The following CYP2C19 variants were observed in gnomAD, a reference collection of about 807,000 sequenced individuals.
CYP2C19 encodes cytochrome P450 2C19.
Under a neutral mutation model 40.9 loss-of-function variants are expected in CYP2C19, and 59 were observed. That is an observed-to-expected ratio of 1.44 (90% CI 1.17 to 1.79). The LOEUF (loss-of-function observed/expected upper bound fraction) is 1.79. Ranked by LOEUF, CYP2C19 falls within the 40% of genes most tolerant of loss-of-function variation. The pLI is 0.00. For missense variants in CYP2C19, 754 were observed against 596.9 expected (o/e 1.26, Z -2.74); for synonymous variants, 253 against 208.7 (o/e 1.21, Z -1.83).
At chr10:94,846,331 GA>G (rs1849572605) in intron 7 of CYP2C19, among the ~76,000 whole-genome samples, 1 of 152,130 alleles carries the variant, frequency 6.6e-6, no homozygotes, top group South Asian at 2.1e-4. Flanking sequence ...ACTTTGGCAA[GA>G]AAACTACATA....
chr10:94,800,861 T>A (rs77460358), intron 5 of CYP2C19, among the ~76,000 whole-genome samples: 1 of 152,166 alleles, frequency 6.6e-6, no homozygotes, highest in African/African-American at 2.4e-5. Flanking sequence ...TGCCTGTTGC[T>A]AAGACCATGG....
intron 5 of CYP2C19, among the ~76,000 whole-genome samples, chr10:94,816,922 G>A (rs1438400569): frequency 7.2e-6 from 1 of 138,726 alleles, no homozygotes; most frequent in Non-Finnish European, 1.6e-5. Context: ...CATTTTTTAT[G>A]GCTGCATAGT....
In CYP2C19 at chr10:94,775,541, T is replaced by A; in HGVS notation, c.481+2T>A. 1 of 1,613,748 alleles carries A rather than the reference T, an allele frequency of 6.2e-7. No homozygotes were observed. The highest frequency in any genetic ancestry group is 8.5e-7 in the Non-Finnish European group (1 of 1,179,822). ...TGGAGGAGTTGAGAAAAACCAAGGGTGGGTGAACATACTCTCTATCACTGA... is the reference window on the plus strand; with the variant it reads ...TGGAGGAGTTGAGAAAAACCAAGGGAGGGTGAACATACTCTCTATCACTGA... On this transcript the variant is annotated splice_donor_variant, in intron 3 of 8. Coordinates refer to ENST00000371321, the MANE Select transcript of CYP2C19 (RefSeq NM_000769.4). LOFTEE classifies it high-confidence loss of function.
At chr10:94,834,340 G>C (rs1589373210) in intron 6 of CYP2C19, among the ~76,000 whole-genome samples, 1 of 151,916 alleles carries the variant, frequency 6.6e-6, no homozygotes, top group East Asian at 1.9e-4. Context: ...AGTATCAGTT[G>C]TATTGCTTCC....
Position 94,837,575 on chromosome 10 carries a change from T to C in CYP2C19, c.962-5262T>C, listed in dbSNP as rs556366874. ...AGAAAAGCATGTGAAAAGAGTAAAG[T>C]TCCTCAGTCACAGCTTAGTGACTGG... On this transcript the variant is annotated intron_variant, in intron 6 of 8. Transcript: ENST00000371321. Among the ~76,000 whole-genome samples the C allele has an allele frequency of 3.1e-3, 475 of 152,258 alleles. 3 individuals are homozygous for C. Among genetic ancestry groups the C allele is most frequent in the African/African-American group, 0.011 (452 of 41,556 alleles).
chr10:94,790,494 G>A (rs796790291), intron 5 of CYP2C19, among the ~76,000 whole-genome samples: 7 of 152,188 alleles, frequency 4.6e-5, no homozygotes, highest in African/African-American at 1.7e-4. Flanking sequence ...GTCATAAATA[G>A]CTCTTATTAT....
Position 94,830,174 on chromosome 10 carries a change from G to T in CYP2C19, c.961+9537G>T, listed in dbSNP as rs929697531. Among the ~76,000 whole-genome samples the T allele has an allele frequency of 1.5e-3, 229 of 152,332 alleles. 2 individuals are homozygous for T. Among genetic ancestry groups the T allele is most frequent in the Non-Finnish European group, 9.1e-4 (62 of 68,024 alleles). ...CAGGCAGGCCTCCTTGAGCTGTGGT[G>T]GGCTCCACCCAGTTCCAGCTTCCTG... is the stretch of plus-strand genomic sequence containing the variant. On this transcript the variant is annotated intron_variant, in intron 6 of 8. Coordinates refer to ENST00000371321, the MANE Select transcript of CYP2C19 (RefSeq NM_000769.4).
intron 3 of CYP2C19, 73 bp from the exon 4 acceptor site, chr10:94,780,426 T>C: frequency 6.4e-7 from 1 of 1,567,852 alleles, no homozygotes; most frequent in Non-Finnish European, 8.7e-7. Flanking sequence ...AAACTATTAT[T>C]ATCTGTTAAC....
chr10:94,776,447 C>A (rs889349060), intron 3 of CYP2C19: 3 of 152,034 alleles, frequency 2.0e-5, no homozygotes, highest in Non-Finnish European at 2.9e-5. Flanking sequence ...GCTTGGATAC[C>A]AAATTACCTC....
intron 6 of CYP2C19, among the ~76,000 whole-genome samples, chr10:94,841,265 C>A (rs1376047075): frequency 1.3e-5 from 2 of 152,184 alleles, no homozygotes; most frequent in Admixed American, 1.3e-4. Flanking sequence ...AGGCACTTAG[C>A]CATGCAGGAA....
intron 5 of CYP2C19, among the ~76,000 whole-genome samples, chr10:94,797,864 A>G (rs911974636): frequency 6.6e-6 from 1 of 151,836 alleles, no homozygotes; most frequent in Non-Finnish European, 1.5e-5. Flanking sequence ...TATTACATCT[A>G]TTTGATTCTT....
chr10:94,808,823 A>G (rs1167189663), intron 5 of CYP2C19, among the ~76,000 whole-genome samples: 2 of 152,128 alleles, frequency 1.3e-5, no homozygotes, highest in Admixed American at 6.5e-5. Flanking sequence ...CGTTTTCTTT[A>G]TCCACTCATC....
chr10:94,820,476 T>C lies in CYP2C19; in HGVS notation c.820-20T>C. The C allele has an allele frequency of 6.2e-7, 1 of 1,613,602 alleles. No homozygotes were observed. Among genetic ancestry groups the C allele is most frequent in the Non-Finnish European group, 8.5e-7 (1 of 1,179,520 alleles). On this transcript the variant is annotated intron_variant, in intron 5 of 8. Coordinates refer to ENST00000371321, the MANE Select transcript of CYP2C19 (RefSeq NM_000769.4). Reference sequence around the variant, plus strand: ...TGCTGTTAAATAATTTGTCAGATAATTGCATCAAATCATTCCTAGGAAAAG... The same window carrying C: ...TGCTGTTAAATAATTTGTCAGATAACTGCATCAAATCATTCCTAGGAAAAG...
At chr10:94,771,734 C>T (rs932937908) in intron 1 of CYP2C19, among the ~76,000 whole-genome samples, 3 of 152,006 alleles carry the variant, frequency 2.0e-5, no homozygotes, top group Non-Finnish European at 4.4e-5. Flanking sequence ...GTCCCTGGAC[C>T]CTGCTGATCA....
At chr10:94,807,167 A>C (rs1848847278) in intron 5 of CYP2C19, among the ~76,000 whole-genome samples, 1 of 152,134 alleles carries the variant, frequency 6.6e-6, no homozygotes, top group Admixed American at 6.6e-5. Flanking sequence ...GGCTTATTTC[A>C]CTTAACATAA....
intron 6 of CYP2C19, among the ~76,000 whole-genome samples, chr10:94,835,568 G>T (rs555327829): frequency 3.2e-4 from 49 of 152,100 alleles, no homozygotes; most frequent in Non-Finnish European, 5.9e-4. Flanking sequence ...CTGCTTGGCG[G>T]TTCCCTTCTA....
intron 6 of CYP2C19, among the ~76,000 whole-genome samples, chr10:94,831,344 G>A (rs901246628): frequency 6.6e-6 from 1 of 152,214 alleles, no homozygotes; most frequent in Admixed American, 6.5e-5. Context: ...AAACACAAGA[G>A]TGCAGATGTC....
At chr10:94,809,410 C>T (rs750413535) in intron 5 of CYP2C19, among the ~76,000 whole-genome samples, 4 of 152,048 alleles carry the variant, frequency 2.6e-5, no homozygotes, top group Admixed American at 1.3e-4. Flanking sequence ...TTGATTGTGT[C>T]CTTTGCTGTG....
intron 5 of CYP2C19, among the ~76,000 whole-genome samples, chr10:94,817,500 T>A (rs991775056): frequency 1.4e-5 from 2 of 145,052 alleles, no homozygotes; most frequent in African/African-American, 5.2e-5. Flanking sequence ...GATGAGTAGG[T>A]TGCGAAAATT....
Sources: gnomAD v4.1 joint callset for allele counts (sites outside exome capture counted in the v4.1 genomes callset) on GRCh38, gnomAD v4.1.1 for gene constraint, MANE v1.5 for transcripts, NCBI Gene and HGNC (gene_info 2026-07-23, HGNC 2026-07-21) for gene names.